Variants in LGR5 observed in about 807,000 individuals in gnomAD.
LGR5 encodes the protein leucine rich repeat containing G protein-coupled receptor 5.
LGR5 carries 54 observed loss-of-function variants against 76.7 expected under a neutral mutation model. The ratio of observed to expected loss-of-function variants is 0.70; its 90% CI spans 0.57 to 0.88. The LOEUF is 0.88. LGR5 is among the 40% of genes least tolerant of loss of function. The pLI is 0.00. For synonymous variants in LGR5, 406 were observed against 421.9 expected (o/e 0.96, Z 0.46); for missense variants, 1,078 against 1,073.3 (o/e 1.00, Z -0.06).
chr12:71,505,527 A>G (rs1874810339), intron 2 of LGR5, among the ~76,000 whole-genome samples: 1 of 152,146 alleles, frequency 6.6e-6, no homozygotes, highest in South Asian at 2.1e-4. Context: ...CTCTTTTGAA[A>G]ATATTTTCTT....
intron 3 of LGR5, among the ~76,000 whole-genome samples, chr12:71,525,389 AT>A (rs1461269095): frequency 1.3e-5 from 2 of 149,558 alleles, no homozygotes; most frequent in African/African-American, 4.9e-5. Flanking sequence ...CTCTCTTTGA[AT>A]TTTTTTCTTT....
In LGR5 at chr12:71,468,516, G is replaced by C. The variant is rs1872951892; in HGVS notation, c.212+28224G>C. 2.6e-5 allele frequency among the ~76,000 whole-genome samples: 4 copies of C among 152,278 alleles called. 1 individual carries two copies. In the South Asian group the frequency reaches 6.2e-4, roughly 24 times the overall value. ...TATCTAGGCTCTGAAAAAGTCTTCA[G>C]TGGTCCTACCTAAAGATTAATGGGA... On this transcript the variant is annotated intron_variant, in intron 1 of 17. Coordinates refer to ENST00000266674, the MANE Select transcript of LGR5 (RefSeq NM_003667.4).
At chr12:71,515,031 A>G (rs1233502720) in intron 2 of LGR5, among the ~76,000 whole-genome samples, 1 of 152,246 alleles carries the variant, frequency 6.6e-6, no homozygotes. Context: ...TTAAGCTCTT[A>G]CGTATCTGGT....
At chr12:71,562,594 CAACTACAAAGTAT>C (rs1396560847) in intron 8 of LGR5, among the ~76,000 whole-genome samples, 1 of 152,132 alleles carries the variant, frequency 6.6e-6, no homozygotes, top group Non-Finnish European at 1.5e-5. Flanking sequence ...AATAGAGTTA[CAACTACAAAGTAT>C]AACTAATTTT....
chr12:71,529,537 A>G (rs545888193), intron 3 of LGR5, among the ~76,000 whole-genome samples: 11 of 152,182 alleles, frequency 7.2e-5, no homozygotes, highest in Non-Finnish European at 1.3e-4. Flanking sequence ...AAGCCAAACC[A>G]TATCAGTGTC....
rs1391088179 is a variant in LGR5, at chr12:71,556,710, G to C, written c.716+20G>C. 3 of 1,569,784 alleles carry C rather than the reference G, an allele frequency of 1.9e-6. No homozygotes were observed. Among genetic ancestry groups the C allele is most frequent in the African/African-American group, 2.7e-5 (2 of 74,058 alleles). On this transcript the variant is annotated intron_variant, in intron 6 of 17. Coordinates refer to ENST00000266674, the MANE Select transcript of LGR5 (RefSeq NM_003667.4). ...GACTTTGTGAGTTGACCTTTTATTT[G>C]TTTCCCTTTTTTCAGTATTTTCATG... is the stretch of plus-strand genomic sequence containing the variant.
At chr12:71,574,960 T>G (rs188069295) in intron 13 of LGR5, among the ~76,000 whole-genome samples, 116 of 152,314 alleles carry the variant, frequency 7.6e-4, no homozygotes, top group African/African-American at 2.7e-3. Context: ...AAAATTTCAG[T>G]AAAACTTCTA....
intron 3 of LGR5, among the ~76,000 whole-genome samples, chr12:71,525,138 G>A (rs1354464762): frequency 1.3e-5 from 2 of 151,678 alleles, no homozygotes; most frequent in African/African-American, 4.8e-5. Flanking sequence ...AGGCACTTAC[G>A]TAGATAAAAC....
In LGR5 at chr12:71,535,142, C is replaced by T. The variant is rs142698551; in HGVS notation, c.384C>T (p.His128=). Residue 128 remains histidine, a synonymous_variant, in exon 4 of 18, where the codon CAC becomes CAT. Transcript: ENST00000266674. ...TGCTGCAGAATAATCAGCTAAGACA[C>T]GTACCCACAGAAGCTCTGCAGAATT... ...VLMLQNNQLR[H]VPTEALQNLR... 179 of 1,611,408 alleles carry T rather than the reference C, an allele frequency of 1.1e-4. No individual in the cohort carries two copies. The African/African-American group carries it at 1.5e-3, about 13-fold the overall frequency.
At chr12:71,476,352 C>T (rs1343556055) in intron 1 of LGR5, among the ~76,000 whole-genome samples, 2 of 152,144 alleles carry the variant, frequency 1.3e-5, no homozygotes, top group Non-Finnish European at 2.9e-5. Flanking sequence ...TGAGATCATT[C>T]TGAGTAAATT....
At chr12:71,509,831 G>C (rs757414130) in intron 2 of LGR5, among the ~76,000 whole-genome samples, 4 of 152,114 alleles carry the variant, frequency 2.6e-5, no homozygotes, top group Non-Finnish European at 5.9e-5. Flanking sequence ...GAAGCTCTAG[G>C]GGGGTCTGTT....
rs867258296 is a variant in LGR5, at chr12:71,524,443, G to A, written c.322G>A (p.Gly108Arg). 1.2e-6 allele frequency: 2 copies of A among 1,613,274 alleles called. No homozygotes were observed. The highest frequency in any genetic ancestry group is 1.7e-5 in the Admixed American group (1 of 59,894). ...AGNALTYIPK[G>R]AFTGLYSLKV... is the part of the protein sequence containing the mutation. ...AAACGCTCTGACATACATTCCCAAGGGAGCATTCACTGGCCTTTACAGTCT... is the reference window on the plus strand; with the variant it reads ...AAACGCTCTGACATACATTCCCAAGAGAGCATTCACTGGCCTTTACAGTCT... Residue 108 changes from glycine (G) to arginine (R), a missense_variant, in exon 3 of 18, where the codon GGA becomes AGA. By Grantham distance (125) the Gly-to-Arg change is moderately radical. Coordinates refer to ENST00000266674, the MANE Select transcript of LGR5 (RefSeq NM_003667.4).
chr12:71,565,221 T>C (rs1878279998), intron 8 of LGR5, among the ~76,000 whole-genome samples: 1 of 151,878 alleles, frequency 6.6e-6, no homozygotes, highest in East Asian at 1.9e-4. Flanking sequence ...ATTTCAAATG[T>C]TACACATGCA....
chr12:71,445,266 G>A (rs1462305876), intron 1 of LGR5, among the ~76,000 whole-genome samples: 1 of 152,158 alleles, frequency 6.6e-6, no homozygotes. Context: ...CCTTTATAGA[G>A]CCTCATTTTG....
chr12:71,558,386 G>C (rs1165894064), intron 6 of LGR5, among the ~76,000 whole-genome samples: 1 of 152,092 alleles, frequency 6.6e-6, no homozygotes, highest in African/African-American at 2.4e-5. Context: ...AAAAGTTCAT[G>C]TGAGTCTTAT....
chr12:71,484,304 T>C (rs1337322807), intron 1 of LGR5, among the ~76,000 whole-genome samples: 1 of 152,236 alleles, frequency 6.6e-6, no homozygotes, highest in Non-Finnish European at 1.5e-5. Flanking sequence ...AGCACTACAC[T>C]ATCTTGGGGG....
At chr12:71,477,500 T>C (rs1056805987) in intron 1 of LGR5, among the ~76,000 whole-genome samples, 2 of 147,888 alleles carry the variant, frequency 1.4e-5, no homozygotes, top group African/African-American at 2.5e-5. Context: ...ATGTATTATA[T>C]ATGTGATAAT....
chr12:71,510,311 T>C (rs1875086015), intron 2 of LGR5, among the ~76,000 whole-genome samples: 1 of 152,178 alleles, frequency 6.6e-6, no homozygotes, highest in South Asian at 2.1e-4. Flanking sequence ...TGACTATCCA[T>C]CCAGCTAGAT....
intron 1 of LGR5, among the ~76,000 whole-genome samples, chr12:71,446,463 A>G (rs1290018246): frequency 6.6e-6 from 1 of 152,222 alleles, no homozygotes; most frequent in East Asian, 1.9e-4. Flanking sequence ...TAAATACTTT[A>G]CTCAGTCAAT....
Sources: allele counts gnomAD v4.1 joint callset (sites outside exome capture counted in the v4.1 genomes callset), GRCh38; gene constraint gnomAD v4.1.1; transcripts MANE v1.5; gene names NCBI Gene and HGNC (gene_info 2026-07-23, HGNC 2026-07-21).